The following SRPK2 variants were observed in gnomAD, a reference collection of about 807,000 sequenced individuals.
SRPK2 encodes SRSF protein kinase 2.
Under a neutral mutation model 90.8 loss-of-function variants are expected in SRPK2, and 21 were observed. That is an observed-to-expected ratio of 0.23 (90% CI 0.16 to 0.33). The LOEUF (loss-of-function observed/expected upper bound fraction) is 0.33, where lower values mean the gene tolerates loss of function less well. Ranked by LOEUF, SRPK2 falls within the 10% of genes least tolerant of loss-of-function variation. SRPK2 has a pLI of 1.00. For missense variants in SRPK2, 620 were observed against 869.0 expected, an observed-to-expected ratio of 0.71 and a Z score of 3.60; for synonymous variants, 288 against 311.1, an observed-to-expected ratio of 0.93 and a Z score of 0.78.
chr7:105,126,480 G>C lies in SRPK2; in HGVS notation c.1823-140C>G, dbSNP rs566770938. 3,595 of 664,756 alleles carry C rather than the reference G, an allele frequency of 5.4e-3. 173 individuals are homozygous for C. The South Asian group carries it at 0.068, about 13-fold the overall frequency. The allele number at this position is 664,756 out of a possible 1,614,324, so 41.2% of individuals were successfully genotyped here. A position where few individuals can be genotyped will look rare whatever the true frequency, so the allele number is the denominator to read the frequency against. On this transcript the variant is annotated intron_variant, in intron 14 of 15. Transcript: ENST00000393651. ...AGTGTCTGCAGCACATCCATGCAGA[G>C]GCTTGTGGGAATGGCAGGCCTCAGG... is the stretch of plus-strand genomic sequence containing the variant.
At chr7:105,178,890 T>C in intron 3 of SRPK2, among the ~76,000 whole-genome samples, 1 of 152,278 alleles carries the variant, frequency 6.6e-6, no homozygotes, top group East Asian at 1.9e-4. Flanking sequence ...TTTTCCTCAT[T>C]AGTAATTTAA....
At chr7:105,276,981 C>T (rs1220898510) in intron 2 of SRPK2, among the ~76,000 whole-genome samples, 1 of 152,148 alleles carries the variant, frequency 6.6e-6, no homozygotes, top group African/African-American at 2.4e-5. Context: ...CCTGCCACTA[C>T]CAATTAACTG....
At position 105,287,036 on chromosome 7, in the gene SRPK2, C is replaced by G. The variant is rs867721947; in HGVS notation, c.72-83251G>C. Among the ~76,000 whole-genome samples, 410 of 150,136 alleles carry G rather than the reference C, an allele frequency of 2.7e-3. 1 individual carries two copies. The highest frequency in any genetic ancestry group is 9.3e-3 in the African/African-American group (378 of 40,850). On this transcript the variant is annotated intron_variant, in intron 2 of 15. Coordinates refer to ENST00000393651, the MANE Select transcript of SRPK2 (RefSeq NM_182692.3). ...CAGCACTTTGGGAGGCCGAGGCGGG[C>G]GGATCACGAGGTCAGGAGATCGAGA... is the stretch of plus-strand genomic sequence containing the variant.
intron 3 of SRPK2, among the ~76,000 whole-genome samples, chr7:105,179,244 T>A (rs536135529): frequency 4.3e-4 from 65 of 152,316 alleles, no homozygotes; most frequent in African/African-American, 1.4e-3. Flanking sequence ...CATTTACTAC[T>A]ATAACATTAA....
At chr7:105,369,924 G>A (rs546494732) in intron 2 of SRPK2, among the ~76,000 whole-genome samples, 1 of 152,230 alleles carries the variant, frequency 6.6e-6, no homozygotes, top group Non-Finnish European at 1.5e-5. Flanking sequence ...CTACTCAGGA[G>A]GCTGAGGCAG....
At chr7:105,159,448 CAAAA>C (rs765544583) in intron 7 of SRPK2, among the ~76,000 whole-genome samples, 1,499 of 33,108 alleles carry the variant, frequency 0.045, 15 homozygotes, top group Middle Eastern at 0.12. Flanking sequence ...ACTCCGTCTC[CAAAA>C]AAAAAAAAAA....
intron 2 of SRPK2, among the ~76,000 whole-genome samples, chr7:105,275,399 T>C (rs1321225704): frequency 6.8e-6 from 1 of 147,800 alleles, no homozygotes; most frequent in African/African-American, 2.5e-5. Context: ...ATCCCCTTTA[T>C]ACATCCCTCA....
intron 3 of SRPK2, among the ~76,000 whole-genome samples, chr7:105,191,388 T>C (rs1669268795): frequency 6.6e-6 from 1 of 152,024 alleles, no homozygotes; most frequent in Non-Finnish European, 1.5e-5. Flanking sequence ...CTGGGTAACA[T>C]AGTGAATCCT....
intron 2 of SRPK2, among the ~76,000 whole-genome samples, chr7:105,223,984 A>C (rs1478328116): frequency 6.6e-6 from 1 of 152,200 alleles, no homozygotes; most frequent in African/African-American, 2.4e-5. Flanking sequence ...AAATTTAGAT[A>C]TATATTCCCC....
intron 2 of SRPK2, among the ~76,000 whole-genome samples, chr7:105,278,622 G>A (rs73407839): frequency 0.062 from 9,448 of 151,838 alleles, 995 homozygotes; most frequent in African/African-American, 0.22. Flanking sequence ...GGAGGCAGAG[G>A]TTGTGGTGAG....
At chr7:105,340,143 T>C (rs1021887484) in intron 2 of SRPK2, among the ~76,000 whole-genome samples, 1 of 152,076 alleles carries the variant, frequency 6.6e-6, no homozygotes, top group African/African-American at 2.4e-5. Context: ...TTTAAGTGTC[T>C]GTAACAAAGA....
At chr7:105,283,601 G>A (rs546388425) in intron 2 of SRPK2, among the ~76,000 whole-genome samples, 3 of 152,244 alleles carry the variant, frequency 2.0e-5, no homozygotes, top group East Asian at 1.9e-4. Context: ...TAGTGATTGC[G>A]GGTAGGGCAG....
chr7:105,331,008 A>G (rs981522257), intron 2 of SRPK2, among the ~76,000 whole-genome samples: 1 of 151,144 alleles, frequency 6.6e-6, no homozygotes, highest in African/African-American at 2.4e-5. Context: ...AATTAAAAGA[A>G]AAAAAAAAGA....
rs564042471 is a variant in SRPK2 at position 105,245,070 on chromosome 7, C to T, written c.72-41285G>A. On this transcript the variant is annotated intron_variant, in intron 2 of 15. Coordinates refer to ENST00000393651, the MANE Select transcript of SRPK2 (RefSeq NM_182692.3). ...ACACACACACACACACACACACACA[C>T]ACACCTCTTTTTCTTAGTATTTCCT... 175 of 595,602 alleles carry T rather than the reference C, an allele frequency of 2.9e-4. No individual in the cohort carries two copies. The African/African-American group carries it at 3.1e-3, about 11-fold the overall frequency. The allele number at this position is 595,602 out of a possible 1,614,324, so 36.9% of individuals were successfully genotyped here.
intron 2 of SRPK2, among the ~76,000 whole-genome samples, chr7:105,384,583 GT>G (rs1821319466): frequency 6.6e-6 from 1 of 152,168 alleles, no homozygotes; most frequent in South Asian, 2.1e-4. Flanking sequence ...CATATTAATA[GT>G]TTAAAATTAT....
chr7:105,182,451 G>A (rs867079034), intron 3 of SRPK2, among the ~76,000 whole-genome samples: 7 of 120,200 alleles, frequency 5.8e-5, no homozygotes, highest in South Asian at 2.6e-4. Context: ...TTCCCCCCCC[G>A]CCTTTTTTTT....
At chr7:105,310,936 G>A (rs1029240642) in intron 2 of SRPK2, among the ~76,000 whole-genome samples, 4 of 152,114 alleles carry the variant, frequency 2.6e-5, no homozygotes, top group South Asian at 4.2e-4. Context: ...CAATATTAAC[G>A]TCAATTGCTT....
intron 2 of SRPK2, among the ~76,000 whole-genome samples, chr7:105,373,268 AGGCC>A (rs1819901044): frequency 6.6e-6 from 1 of 152,148 alleles, no homozygotes; most frequent in Non-Finnish European, 1.5e-5. Flanking sequence ...TGATATCTGA[AGGCC>A]ATCAACGATA....
At chr7:105,317,329 A>G (rs1331614972) in intron 2 of SRPK2, among the ~76,000 whole-genome samples, 2 of 152,244 alleles carry the variant, frequency 1.3e-5, no homozygotes, top group African/African-American at 4.8e-5. Flanking sequence ...TGATGAAGCA[A>G]TGAAAAAATT....
Sources: gnomAD v4.1 joint callset for allele counts (sites outside exome capture counted in the v4.1 genomes callset) on GRCh38, gnomAD v4.1.1 for gene constraint, MANE v1.5 for transcripts, NCBI Gene and HGNC (gene_info 2026-07-23, HGNC 2026-07-21) for gene names.